Variants in AKNA observed in about 807,000 individuals in gnomAD.
AKNA encodes the protein AT-hook transcription factor.
In AKNA, 67 loss-of-function variants were observed where a neutral mutation model predicts 138.8. That is an observed-to-expected ratio of 0.48 (90% CI 0.40 to 0.59). The LOEUF is 0.59. Among genes scored for constraint, AKNA ranks in the 20% least tolerant of loss-of-function variants. The probability of loss-of-function intolerance (pLI) is 0.00; values close to 1 mark genes in which losing one functional copy is unlikely to be tolerated. For missense variants in AKNA, 1,813 were observed against 1,880.4 expected, an observed-to-expected ratio of 0.96 and a Z score of 0.66; for synonymous variants, 737 against 754.4, an observed-to-expected ratio of 0.98 and a Z score of 0.38.
At chr9:114,398,464 TG>T (rs1370246193), upstream of AKNA, 2 of 152,000 alleles carry the variant, frequency 1.3e-5, no homozygotes, top group Admixed American at 6.5e-5. This position sits in a 1 kb window ranked among gnomAD's most constrained non-coding sequence, Gnocchi z 4.2. Flanking sequence ...CGAGCGCGGG[TG>T]GTTTCCTGGA....
chr9:114,341,166 T>TA (rs1050875338), intron 21 of AKNA, among the ~76,000 whole-genome samples: 14 of 152,018 alleles, frequency 9.2e-5, no homozygotes, highest in African/African-American at 2.7e-4. Context: ...TAAAGTCTAT[T>TA]AAAAAAAACC....
chr9:114,388,522 C>T (rs1834202745), upstream of AKNA, among the ~76,000 whole-genome samples: 1 of 152,216 alleles, frequency 6.6e-6, no homozygotes, highest in African/African-American at 2.4e-5. Flanking sequence ...CCGTCCTCAC[C>T]CCGAGGTGGT....
At chr9:114,368,377 T>A in intron 5 of AKNA, 62 bp downstream of exon 5, 9 of 1,303,380 alleles carry the variant, frequency 6.9e-6, no homozygotes, top group Non-Finnish European at 8.8e-6. Flanking sequence ...ACCAAGTCAG[T>A]CCCACAGAGC....
upstream of AKNA, among the ~76,000 whole-genome samples, chr9:114,388,510 C>T (rs1005758504): frequency 6.6e-6 from 1 of 152,228 alleles, no homozygotes; most frequent in Non-Finnish European, 1.5e-5. Flanking sequence ...CATCTCAACC[C>T]ACCGTCCTCA....
chr9:114,348,562 G>C (rs968848615), intron 15 of AKNA, among the ~76,000 whole-genome samples: 1 of 152,190 alleles, frequency 6.6e-6, no homozygotes, highest in African/African-American at 2.4e-5. Flanking sequence ...GGCTGACTAA[G>C]AGCAGGCTGG....
At position 114,376,901 on chromosome 9, in the gene AKNA, C is replaced by T. The variant is rs762206101; in HGVS notation, c.906G>A (p.Thr302=). ...ATCGGGAAGGGAGTGGCTTAGGTGA[C>T]GTCTTTGTCTGCTTCCAGATGTGTT... ...PKEHIWKQTK[T]SPKPLPSRFI... Residue 302 remains threonine (T), a synonymous_variant, in exon 3 of 22, where the codon ACG becomes ACA. Coordinates refer to ENST00000374088, the MANE Select transcript of AKNA (RefSeq NM_001317950.2). 99 of 1,614,070 alleles carry T rather than the reference C, an allele frequency of 6.1e-5. No individual in the cohort carries two copies. In the Middle Eastern group the frequency reaches 2.3e-3, roughly 38 times the overall value.
chr9:114,374,000 TGGA>T (rs1832986700), intron 4 of AKNA, 90 bp downstream of exon 4: 1 of 1,327,962 alleles, frequency 7.5e-7, no homozygotes, highest in Non-Finnish European at 1.1e-6. Flanking sequence ...CCTCAGTAGA[TGGA>T]GGAGGCAGTG....
intron 15 of AKNA, among the ~76,000 whole-genome samples, chr9:114,349,985 C>A (rs1830991403): frequency 6.6e-6 from 1 of 152,220 alleles, no homozygotes; most frequent in South Asian, 2.1e-4. Context: ...CTCCCACAGT[C>A]CTTTAGTCCT....
rs1336169326 is a variant in AKNA, at chr9:114,387,861, T to C, written c.-115A>G. The C allele has an allele frequency of 2.2e-6, 1 of 453,104 alleles. No individual in the cohort carries two copies. Among genetic ancestry groups the C allele is most frequent in the Non-Finnish European group, 4.4e-6 (1 of 225,040 alleles). 28.1% of individuals were successfully genotyped at this position (453,104 alleles called of 1,614,324 possible). On this transcript the variant is annotated splice_region_variant and 5_prime_UTR_variant, in exon 1 of 22. Transcript: ENST00000374088. ...CCCTCCTCCGTTCCAATCCCTTACC[T>C]CTCTCGGGCTCCACCACCGTCCTGC...
chr9:114,349,994 C>A (rs1830991633), intron 15 of AKNA, among the ~76,000 whole-genome samples: 1 of 152,170 alleles, frequency 6.6e-6, no homozygotes, highest in Non-Finnish European at 1.5e-5. Flanking sequence ...TCCTTTAGTC[C>A]TCTGCCATCA....
chr9:114,387,914 G>T lies in AKNA; in HGVS notation c.-168C>A. The T allele has an allele frequency of 2.2e-6, 1 of 454,946 alleles. No homozygotes were observed. Among genetic ancestry groups the T allele is most frequent in the Non-Finnish European group, 4.4e-6 (1 of 226,142 alleles). 28.2% of individuals were successfully genotyped at this position (454,946 alleles called of 1,614,324 possible). On this transcript the variant is annotated 5_prime_UTR_variant, in exon 1 of 22. Transcript: ENST00000374088. ...ACCCAGTTTCAGGGGACCTGCCTGT[G>T]AATTCTTTGTTCCAAACCCAGGGAG... is the stretch of plus-strand genomic sequence containing the variant.
chr9:114,385,187 T>C (rs1032347882), intron 1 of AKNA, among the ~76,000 whole-genome samples: 3 of 152,200 alleles, frequency 2.0e-5, no homozygotes, highest in African/African-American at 7.2e-5. Context: ...CTCTAATCCT[T>C]GCTTCTCATA....
chr9:114,356,010 T>C lies in AKNA; in HGVS notation c.2973A>G (p.Ala991=), dbSNP rs775448658. Residue 991 remains alanine, a synonymous_variant, in exon 14 of 22, where the codon GCA becomes GCG. Transcript: ENST00000374088. Reference sequence around the variant, plus strand: ...CACTTGGGCTGGAGAGGTACCTCTGTGCTTGGCTCCGGGGTGTGCTGGGCT... The same window carrying C: ...CACTTGGGCTGGAGAGGTACCTCTGCGCTTGGCTCCGGGGTGTGCTGGGCT... ...ATEPSTPRSQ[A]QRYLSSPSGP... is the part of the protein sequence containing the mutation. 3 of 1,614,156 alleles carry C rather than the reference T, an allele frequency of 1.9e-6. No homozygotes were observed. Among genetic ancestry groups the C allele is most frequent in the Non-Finnish European group, 2.5e-6 (3 of 1,180,020 alleles).
chr9:114,334,777 C>T lies in AKNA; in HGVS notation c.*2277G>A, dbSNP rs549061929. ...ATCCAGGGTGATAGGACCATGAGCC[C>T]GAGGCCCTGATGTCCTGGGGTCTAG... is the stretch of plus-strand genomic sequence containing the variant. On this transcript the variant is annotated 3_prime_UTR_variant, in exon 22 of 22. Coordinates refer to ENST00000374088, the MANE Select transcript of AKNA (RefSeq NM_001317950.2). 18 of 146,728 alleles carry T rather than the reference C, an allele frequency of 1.2e-4. 2 individuals carry two copies. Among genetic ancestry groups the T allele is most frequent in the Non-Finnish European group, 1.8e-4 (12 of 67,914 alleles). The allele number at this position is 146,728 out of a possible 1,614,324, so 9.1% of individuals were successfully genotyped here.
chr9:114,378,142 T>C (rs896597264), intron 2 of AKNA, among the ~76,000 whole-genome samples: 1 of 152,128 alleles, frequency 6.6e-6, no homozygotes, highest in Non-Finnish European at 1.5e-5. Context: ...TCTCTCTCCA[T>C]GGCCCCTCAA....
intron 16 of AKNA, among the ~76,000 whole-genome samples, chr9:114,347,215 TTTA>T (rs998511813): frequency 1.3e-5 from 2 of 152,004 alleles, no homozygotes; most frequent in Non-Finnish European, 2.9e-5. Context: ...TGTATTATTC[TTTA>T]TTATTATTAT....
intron 7 of AKNA, among the ~76,000 whole-genome samples, chr9:114,363,497 GGAT>G (rs1832119759): frequency 6.6e-6 from 1 of 152,174 alleles, no homozygotes; most frequent in African/African-American, 2.4e-5. Flanking sequence ...GTCATCCACT[GGAT>G]GATATTACAT....
intron 7 of AKNA, 110 bp downstream of exon 7, chr9:114,364,450 T>C (rs1040726376): frequency 1.8e-6 from 2 of 1,112,778 alleles, no homozygotes; most frequent in Admixed American, 3.4e-5. Context: ...AGAGACCCTG[T>C]GTCTGGGATT....
chr9:114,395,646 G>C (rs1423279531), upstream of AKNA, among the ~76,000 whole-genome samples: 1 of 149,846 alleles, frequency 6.7e-6, no homozygotes, highest in Admixed American at 6.7e-5. Context: ...GGCTCCACTT[G>C]GCTCTGCCAA....
Sources: allele counts gnomAD v4.1 joint callset (sites outside exome capture counted in the v4.1 genomes callset), GRCh38; gene constraint gnomAD v4.1.1; non-coding constraint Gnocchi (gnomAD v3.1); transcripts MANE v1.5; gene names NCBI Gene and HGNC (gene_info 2026-07-23, HGNC 2026-07-21).